The following DHRS7B variants were observed in gnomAD, a reference collection of about 807,000 sequenced individuals.
The protein encoded by DHRS7B is peroxisomal reductase activating PPAR-gamma.
In DHRS7B, 24 loss-of-function variants were observed where a neutral mutation model predicts 26.4. The observed-to-expected ratio is 0.91, with a 90% CI of 0.66 to 1.28. The LOEUF is 1.28. Among genes scored for constraint, DHRS7B ranks in the 50% most tolerant of loss-of-function variants. The pLI, the probability that DHRS7B is intolerant of heterozygous loss-of-function variation, is 0.00. For missense variants in DHRS7B, 368 were observed against 419.4 expected, an observed-to-expected ratio of 0.88 and a Z score of 1.07; for synonymous variants, 142 against 166.4, an observed-to-expected ratio of 0.85 and a Z score of 1.13.
intron 5 of DHRS7B, among the ~76,000 whole-genome samples, chr17:21,185,881 T>C (rs2144224229): frequency 6.6e-6 from 1 of 152,256 alleles, no homozygotes; most frequent in African/African-American, 2.4e-5. Context: ...AGACACAGGG[T>C]TTCACCATGT....
rs757644233 is a variant in DHRS7B, at chr17:21,191,163, CAGCCAG to C, written c.*11_*16del. The C allele has an allele frequency of 3.5e-5, 56 of 1,612,564 alleles. No individual in the cohort carries two copies. Among genetic ancestry groups the C allele is most frequent in the Non-Finnish European group, 4.6e-5 (54 of 1,179,862 alleles). On this transcript the variant is annotated 3_prime_UTR_variant, in exon 7 of 7. Transcript: ENST00000395511. ...ATCCAAGAACTCCTAGTACTCTGAC[CAGCCAG>C]GGCCAGGGCAGAGAAGCAGCACTCT...
At chr17:21,127,295 C>T (rs992038878) in intron 1 of DHRS7B, 6 of 404,392 alleles carry the variant, frequency 1.5e-5, no homozygotes, top group African/African-American at 8.4e-5. Context: ...TGAAAGGCCT[C>T]GCGCCCACAG....
In DHRS7B at chr17:21,191,214, A is replaced by G; in HGVS notation, c.*61A>G. The G allele has an allele frequency of 6.5e-7, 1 of 1,536,906 alleles. No homozygotes were observed. Among genetic ancestry groups the G allele is most frequent in the Non-Finnish European group, 9.0e-7 (1 of 1,116,192 alleles). ...CACTCTTAGGCTTGCTTACTCTACA[A>G]GGGACAGTTGCATTTGTTGAGACTT... On this transcript the variant is annotated 3_prime_UTR_variant, in exon 7 of 7. Coordinates refer to ENST00000395511, the MANE Select transcript of DHRS7B (RefSeq NM_015510.5).
intron 1 of DHRS7B, among the ~76,000 whole-genome samples, chr17:21,148,539 T>A (rs541763190): frequency 6.6e-6 from 1 of 151,776 alleles, no homozygotes; most frequent in African/African-American, 2.4e-5. Context: ...AAGTCAGGAG[T>A]TCGAGACCAG....
intron 1 of DHRS7B, among the ~76,000 whole-genome samples, chr17:21,138,644 A>G (rs1335571524): frequency 6.6e-6 from 1 of 152,158 alleles, no homozygotes; most frequent in Non-Finnish European, 1.5e-5. Flanking sequence ...AATCCTATTT[A>G]TTTTTAAAAC....
chr17:21,178,426 C>A, intron 3 of DHRS7B, 84 bp downstream of exon 3: 2 of 1,136,862 alleles, frequency 1.8e-6, no homozygotes, highest in South Asian at 1.3e-5. Flanking sequence ...CACTCCTGGA[C>A]TGCTGAGCTG....
Position 21,139,674 on chromosome 17 carries a change from C to CA in DHRS7B, c.20+12695dup, listed in dbSNP as rs777472260. Among the ~76,000 whole-genome samples, 1,044 of 131,966 alleles carry CA rather than the reference C, an allele frequency of 7.9e-3. 6 individuals carry two copies. The highest frequency in any genetic ancestry group is 0.012 in the African/African-American group (441 of 35,590). The allele number at this position is 131,966 out of a possible 152,430, so 86.6% of individuals were successfully genotyped here. A position where few individuals can be genotyped will look rare whatever the true frequency, so the allele number is the denominator to read the frequency against. ...TGGGTGACAGAGCGAGACTCCATCT[C>CA]AAAAAAAAAAAATAAATAAATAAAA... On this transcript the variant is annotated intron_variant, in intron 1 of 6. Coordinates refer to ENST00000395511, the MANE Select transcript of DHRS7B (RefSeq NM_015510.5).
intron 1 of DHRS7B, among the ~76,000 whole-genome samples, chr17:21,154,619 A>G (rs188192442): frequency 2.9e-3 from 436 of 152,364 alleles, no homozygotes; most frequent in African/African-American, 9.8e-3. Context: ...TGGAAAAAGA[A>G]TAAGTGAAGG....
intron 1 of DHRS7B, among the ~76,000 whole-genome samples, chr17:21,152,697 G>GAGAA (rs1300387398): frequency 6.6e-6 from 1 of 152,156 alleles, no homozygotes; most frequent in Admixed American, 6.5e-5. Flanking sequence ...CTGCCCTCAG[G>GAGAA]AGAAACTATT....
intron 1 of DHRS7B, among the ~76,000 whole-genome samples, chr17:21,136,715 C>G (rs1169761714): frequency 6.6e-6 from 1 of 151,720 alleles, no homozygotes; most frequent in Non-Finnish European, 1.5e-5. Context: ...GCCACTATGC[C>G]CAGCTAATTT....
At chr17:21,143,332 G>T (rs1405698443) in intron 1 of DHRS7B, among the ~76,000 whole-genome samples, 1 of 152,184 alleles carries the variant, frequency 6.6e-6, no homozygotes, top group Non-Finnish European at 1.5e-5. Context: ...AAAATGCTGG[G>T]ATTACAGGCG....
At chr17:21,181,772 A>G (rs1213582502) in intron 3 of DHRS7B, among the ~76,000 whole-genome samples, 2 of 152,196 alleles carry the variant, frequency 1.3e-5, no homozygotes, top group Admixed American at 1.3e-4. Context: ...ATATAGAAAC[A>G]CAGCTGATTT....
rs193185491 is a variant in DHRS7B at position 21,139,099 on chromosome 17, T to G, written c.20+12108T>G. Among the ~76,000 whole-genome samples, 13 of 152,316 alleles carry G rather than the reference T, an allele frequency of 8.5e-5. No homozygotes were observed. In the East Asian group the frequency reaches 2.5e-3, roughly 29 times the overall value. On this transcript the variant is annotated intron_variant, in intron 1 of 6. Coordinates refer to ENST00000395511, the MANE Select transcript of DHRS7B (RefSeq NM_015510.5). ...TCCTGGGCATAGGCTGAACTAACTT[T>G]GGGAGGAACTTATAGTTTAGCTTTG...
intron 1 of DHRS7B, among the ~76,000 whole-genome samples, chr17:21,141,640 A>AAAAAAAGAAAAAAG: frequency 2.2e-5 from 2 of 90,078 alleles, no homozygotes; most frequent in Non-Finnish European, 2.1e-5. Flanking sequence ...AAAAAAAAAA[A>AAAAAAAGAAAAAAG]CAACCTCATC....
chr17:21,178,654 G>A (rs1160715434), intron 3 of DHRS7B, among the ~76,000 whole-genome samples: 2 of 137,788 alleles, frequency 1.5e-5, no homozygotes, highest in Admixed American at 1.5e-4. Flanking sequence ...AACTTTAAAA[G>A]GTGTTTTTTT....
At chr17:21,159,222 G>A (rs1357823854) in intron 1 of DHRS7B, among the ~76,000 whole-genome samples, 3 of 151,128 alleles carry the variant, frequency 2.0e-5, no homozygotes, top group African/African-American at 7.3e-5. Context: ...CCACAGACTA[G>A]TAGAAAATAT....
intron 1 of DHRS7B, among the ~76,000 whole-genome samples, chr17:21,154,853 AT>A (rs1409360011): frequency 1.3e-5 from 2 of 152,224 alleles, no homozygotes; most frequent in African/African-American, 4.8e-5. Flanking sequence ...GTATTTTGTT[AT>A]TATATGATAC....
intron 1 of DHRS7B, among the ~76,000 whole-genome samples, chr17:21,140,870 T>G (rs1339143096): frequency 3.3e-5 from 5 of 152,206 alleles, no homozygotes; most frequent in Non-Finnish European, 7.3e-5. Context: ...CTCCTCATTC[T>G]TCGATTATTT....
intron 1 of DHRS7B, among the ~76,000 whole-genome samples, chr17:21,166,810 T>G (rs1404502392): frequency 6.6e-6 from 1 of 152,200 alleles, no homozygotes; most frequent in Non-Finnish European, 1.5e-5. Flanking sequence ...TCTCTGCCCT[T>G]TAGCCTGATT....
Sources: gnomAD v4.1 joint callset for allele counts (sites outside exome capture counted in the v4.1 genomes callset) on GRCh38, gnomAD v4.1.1 for gene constraint, MANE v1.5 for transcripts, NCBI Gene and HGNC (gene_info 2026-07-23, HGNC 2026-07-21) for gene names.